The following MAN1A1 variants were observed in gnomAD, a reference collection of about 807,000 sequenced individuals.
MAN1A1 encodes mannosyl-oligosaccharide 1,2-alpha-mannosidase IA.
A neutral mutation model predicts 70.8 loss-of-function variants in MAN1A1; 29 were observed. The observed-to-expected ratio is 0.41, with a 90% CI of 0.31 to 0.56. MAN1A1 has a LOEUF of 0.56. MAN1A1 is among the 20% of genes least tolerant of loss of function. MAN1A1 has a pLI of 0.29. For synonymous variants in MAN1A1, 349 were observed against 330.1 expected (o/e 1.06, Z -0.62); for missense variants, 747 against 841.3 (o/e 0.89, Z 1.39).
chr6:119,269,421 A>G, intron 5 of MAN1A1: 1 of 182,268 alleles, frequency 5.5e-6, no homozygotes. Context: ...ATCCCATTAA[A>G]CACCTTGGGG....
intron 5 of MAN1A1, among the ~76,000 whole-genome samples, chr6:119,260,777 A>G (rs528581678): frequency 1.5e-4 from 23 of 152,180 alleles, no homozygotes; most frequent in African/African-American, 5.5e-4. Flanking sequence ...CCCTGCCTTA[A>G]TAACGATCAT....
intron 11 of MAN1A1, among the ~76,000 whole-genome samples, chr6:119,186,098 C>T (rs1773285252): frequency 6.6e-6 from 1 of 151,904 alleles, no homozygotes; most frequent in Admixed American, 6.6e-5. Flanking sequence ...CCCTCTGGTA[C>T]CCCCAGAGCA....
chr6:119,349,726 C>T lies in MAN1A1; in HGVS notation c.-407G>A, dbSNP rs1156738804. The T allele has an allele frequency of 2.0e-6, 2 of 985,594 alleles. No individual in the cohort carries two copies. Among genetic ancestry groups the T allele is most frequent in the Non-Finnish European group, 2.4e-6 (2 of 830,022 alleles). The allele number at this position is 985,594 out of a possible 1,614,324, so 61.1% of individuals were successfully genotyped here. A position where few individuals can be genotyped will look rare whatever the true frequency, so the allele number is the denominator to read the frequency against. On this transcript the variant is annotated 5_prime_UTR_variant, in exon 1 of 13. Transcript: ENST00000368468. Reference sequence around the variant, plus strand: ...TGCGGGCGAATGGCAGCGAGTAGAGCAGCACGGTACACTCCGCCGCGGCCC... The same window carrying T: ...TGCGGGCGAATGGCAGCGAGTAGAGTAGCACGGTACACTCCGCCGCGGCCC...
At chr6:119,331,570 C>CATACATATATATATAT (rs1773312891) in intron 2 of MAN1A1, among the ~76,000 whole-genome samples, 1 of 117,972 alleles carries the variant, frequency 8.5e-6, no homozygotes, top group African/African-American at 3.1e-5. Flanking sequence ...ACATATTATG[C>CATACATATATATATAT]ATATATATAT....
intron 6 of MAN1A1, among the ~76,000 whole-genome samples, chr6:119,217,594 T>C (rs923121908): frequency 4.6e-5 from 7 of 152,252 alleles, no homozygotes; most frequent in African/African-American, 1.2e-4. Flanking sequence ...CTGAGAAGTA[T>C]ACCTGTTTAT....
chr6:119,345,680 T>G (rs1206596151), intron 2 of MAN1A1, among the ~76,000 whole-genome samples: 1 of 152,186 alleles, frequency 6.6e-6, no homozygotes, highest in Non-Finnish European at 1.5e-5. Context: ...TTGAACCAAG[T>G]ACAAAATAAC....
At chr6:119,249,598 C>G (rs1337395647) in intron 5 of MAN1A1, among the ~76,000 whole-genome samples, 1 of 152,102 alleles carries the variant, frequency 6.6e-6, no homozygotes, top group Non-Finnish European at 1.5e-5. Context: ...GCAAAGTTCT[C>G]TGTCAGCCAC....
intron 6 of MAN1A1, among the ~76,000 whole-genome samples, chr6:119,244,135 C>T (rs1385100128): frequency 6.6e-6 from 1 of 152,014 alleles, no homozygotes; most frequent in Non-Finnish European, 1.5e-5. Context: ...GTCTACTCTA[C>T]CTAGACTTGA....
At chr6:119,289,254 T>C (rs929302322) in intron 5 of MAN1A1, among the ~76,000 whole-genome samples, 7 of 151,886 alleles carry the variant, frequency 4.6e-5, no homozygotes, top group Non-Finnish European at 8.8e-5. Flanking sequence ...GCAATCCTTA[T>C]TTCCTCCAAA....
Position 119,306,133 on chromosome 6 carries a change from A to C in MAN1A1, c.700+763T>G, listed in dbSNP as rs1485536572. 6.6e-5 allele frequency among the ~76,000 whole-genome samples: 10 copies of C among 152,212 alleles called. 1 individual carries two copies. The South Asian group carries it at 2.1e-3, about 31-fold the overall frequency. ...TTAACATTTTCAGTTAAAGTATAGA[A>C]AGTGTTCTATTGTTGAATTCAGAAG... On this transcript the variant is annotated intron_variant, in intron 3 of 12. Transcript: ENST00000368468.
chr6:119,193,705 C>A (rs937415040), intron 9 of MAN1A1, 72 bp downstream of exon 9: 14 of 977,798 alleles, frequency 1.4e-5, no homozygotes, highest in Non-Finnish European at 2.0e-5. Flanking sequence ...ACCACTTATT[C>A]ATTAAAACTT....
At chr6:119,205,657 A>G (rs1773839840) in intron 6 of MAN1A1, among the ~76,000 whole-genome samples, 1 of 152,238 alleles carries the variant, frequency 6.6e-6, no homozygotes. Context: ...GTGACTCCTG[A>G]GACATGGCAG....
chr6:119,310,255 C>T (rs1378927188), intron 2 of MAN1A1, among the ~76,000 whole-genome samples: 2 of 152,138 alleles, frequency 1.3e-5, no homozygotes, highest in African/African-American at 4.8e-5. Flanking sequence ...CAAATACTTC[C>T]ATTTGCTGAA....
At chr6:119,331,187 A>C (rs1440942821) in intron 2 of MAN1A1, among the ~76,000 whole-genome samples, 3 of 152,256 alleles carry the variant, frequency 2.0e-5, no homozygotes, top group African/African-American at 7.2e-5. Flanking sequence ...TCAATTAAAC[A>C]GAGCCTTTGT....
intron 6 of MAN1A1, among the ~76,000 whole-genome samples, chr6:119,241,643 T>C (rs568262251): frequency 2.6e-5 from 4 of 152,340 alleles, no homozygotes; most frequent in African/African-American, 7.2e-5. Flanking sequence ...CAAAGTAATT[T>C]TCTAGGATTT....
chr6:119,195,527 ACT>A (rs1410864239), intron 8 of MAN1A1, among the ~76,000 whole-genome samples: 6 of 152,016 alleles, frequency 3.9e-5, no homozygotes, highest in Admixed American at 2.6e-4. Flanking sequence ...TTTGTCACAC[ACT>A]TTTTGGTAGC....
At chr6:119,310,848 A>G (rs1056918649) in intron 2 of MAN1A1, among the ~76,000 whole-genome samples, 1 of 152,232 alleles carries the variant, frequency 6.6e-6, no homozygotes, top group African/African-American at 2.4e-5. Flanking sequence ...AGAACTATCA[A>G]CAATGCTGTG....
At chr6:119,255,583 G>C (rs1388274649) in intron 5 of MAN1A1, among the ~76,000 whole-genome samples, 1 of 152,198 alleles carries the variant, frequency 6.6e-6, no homozygotes, top group Non-Finnish European at 1.5e-5. Context: ...CAGAAACTTA[G>C]AGCTGGAAGG....
intron 4 of MAN1A1, 28 bp from the exon 5 acceptor site, chr6:119,290,791 T>C (rs1776516947): frequency 2.2e-6 from 3 of 1,376,558 alleles, no homozygotes; most frequent in Non-Finnish European, 3.1e-6. Context: ...TCAAACATGA[T>C]GATAGTACAC....
Sources: gnomAD v4.1 joint callset for allele counts (sites outside exome capture counted in the v4.1 genomes callset) on GRCh38, gnomAD v4.1.1 for gene constraint, MANE v1.5 for transcripts, NCBI Gene and HGNC (gene_info 2026-07-23, HGNC 2026-07-21) for gene names.